Variants in ZFP64 observed in about 807,000 individuals in gnomAD.
ZFP64 encodes the protein ZFP64 zinc finger protein.
A neutral mutation model predicts 51.6 loss-of-function variants in ZFP64; 14 were observed. That is an observed-to-expected ratio of 0.27 (90% CI 0.18 to 0.42). The LOEUF is 0.42. ZFP64 is among the 10% of genes least tolerant of loss of function. ZFP64 has a pLI of 1.00. For missense variants in ZFP64, 754 were observed against 906.8 expected (o/e 0.83, Z 2.16); for synonymous variants, 375 against 361.4 (o/e 1.04, Z -0.43).
intron 3 of ZFP64, chr20:52,165,511 G>A (rs777514552): frequency 6.2e-6 from 3 of 481,502 alleles, no homozygotes; most frequent in Admixed American, 2.3e-5. Context: ...CAACTTTTCT[G>A]TACATCTGAA....
Position 52,151,857 on chromosome 20 carries a change from T to A in ZFP64, c.*289A>T. ...ACTTGAGGTCAGGAGTTCAACATGA[T>A]GAAACCCCGTCTCTACTAAATATAC... On this transcript the variant is annotated 3_prime_UTR_variant, in exon 6 of 6. Transcript: ENST00000216923. The A allele has an allele frequency of 1.0e-6, 1 of 989,356 alleles. No individual in the cohort carries two copies. Among genetic ancestry groups the A allele is most frequent in the Non-Finnish European group, 1.3e-6 (1 of 777,486 alleles). 61.3% of individuals were successfully genotyped at this position (989,356 alleles called of 1,614,324 possible). A position where few individuals can be genotyped will look rare whatever the true frequency, so the allele number is the denominator to read the frequency against.
chr20:52,165,159 T>C (rs1050233412), intron 3 of ZFP64: 1 of 459,270 alleles, frequency 2.2e-6, no homozygotes. Flanking sequence ...AAAATGTCAT[T>C]CTTTTGATAT....
intron 5 of ZFP64, chr20:52,105,137 T>TC: frequency 7.0e-7 from 1 of 1,425,742 alleles, no homozygotes. Flanking sequence ...CTCACCCGGC[T>TC]CCCCCGCCAC....
chr20:52,156,638 G>T (rs1400803137), intron 5 of ZFP64, among the ~76,000 whole-genome samples: 3 of 152,206 alleles, frequency 2.0e-5, no homozygotes, highest in Non-Finnish European at 2.9e-5. Context: ...CTATTACGCT[G>T]CATCACTGTG....
chr20:52,180,547 C>CAAA (rs10669415), intron 2 of ZFP64, among the ~76,000 whole-genome samples: 7,675 of 86,850 alleles, frequency 0.088, 791 homozygotes, highest in African/African-American at 0.25. Context: ...CCAGAAATGG[C>CAAA]AAAAAAAAAA....
At chr20:52,116,881 C>A (rs745655340) in intron 5 of ZFP64, among the ~76,000 whole-genome samples, 7 of 152,158 alleles carry the variant, frequency 4.6e-5, no homozygotes, top group Admixed American at 6.5e-5. Flanking sequence ...ACCTTCCTGG[C>A]CAACATGGTG....
intron 7 of ZFP64, chr20:52,097,329 G>A (rs781394309): frequency 2.2e-5 from 35 of 1,587,694 alleles, no homozygotes; most frequent in East Asian, 4.5e-5. Context: ...TCACATTCAC[G>A]TCCCATCTTT....
chr20:52,135,606 C>G (rs1008688255), intron 5 of ZFP64, among the ~76,000 whole-genome samples: 9 of 152,214 alleles, frequency 5.9e-5, no homozygotes, highest in African/African-American at 2.2e-4. Context: ...CCCACCTCAG[C>G]CTCCCAAGAA....
chr20:52,171,993 C>T (rs978038412), intron 2 of ZFP64, among the ~76,000 whole-genome samples: 48 of 152,052 alleles, frequency 3.2e-4, no homozygotes, highest in African/African-American at 1.1e-3. Flanking sequence ...GTGATGTGCC[C>T]GCCTCGGCCT....
In ZFP64 at chr20:52,085,349, G is replaced by T. The variant is rs1257177516; in HGVS notation, c.1229-83C>A. On this transcript the variant is annotated intron_variant, in intron 8 of 8. Transcript: ENST00000361387. The surrounding 1 kb of genome is among the most constrained non-coding windows in gnomAD (Gnocchi z 4.3). ...CCAACCTGCCTTAGCACACTTGGCC[G>T]CCATGAGATGGTTGGGTTTTGTGAA... is the stretch of plus-strand genomic sequence containing the variant. The T allele has an allele frequency of 1.4e-6, 2 of 1,407,320 alleles. No homozygotes were observed. Among genetic ancestry groups the T allele is most frequent in the Non-Finnish European group, 1.9e-6 (2 of 1,050,396 alleles). The allele number at this position is 1,407,320 out of a possible 1,614,324, so 87.2% of individuals were successfully genotyped here.
chr20:52,175,187 A>G lies in ZFP64; in HGVS notation c.287-9162T>C, dbSNP rs537067446. 2.6e-5 allele frequency among the ~76,000 whole-genome samples: 4 copies of G among 152,322 alleles called. No individual in the cohort carries two copies. In the South Asian group the frequency reaches 8.3e-4, roughly 32 times the overall value. Reference sequence around the variant, plus strand: ...TCCCAGGCTGGAGGGCAGTGGCACCATCTCGGCTCACTGCAATATCTGCCT... The same window carrying G: ...TCCCAGGCTGGAGGGCAGTGGCACCGTCTCGGCTCACTGCAATATCTGCCT... On this transcript the variant is annotated intron_variant, in intron 2 of 5. Transcript: ENST00000216923.
intron 5 of ZFP64, among the ~76,000 whole-genome samples, chr20:52,100,672 T>C (rs939475489): frequency 6.6e-6 from 1 of 152,200 alleles, no homozygotes; most frequent in Non-Finnish European, 1.5e-5. Flanking sequence ...GGTGAAGGAA[T>C]CTTAGCATGA....
At chr20:52,087,999 C>A (rs1444185959) in intron 8 of ZFP64, among the ~76,000 whole-genome samples, 3 of 152,114 alleles carry the variant, frequency 2.0e-5, no homozygotes, top group Non-Finnish European at 2.9e-5. Context: ...AAAGGAAGTT[C>A]CTAAGATTAA....
intron 2 of ZFP64, among the ~76,000 whole-genome samples, chr20:52,179,122 T>C (rs1417875286): frequency 3.9e-5 from 6 of 152,070 alleles, no homozygotes; most frequent in African/African-American, 1.2e-4. Flanking sequence ...CTGTTCCTTG[T>C]GATAGAGAAT....
intron 4 of ZFP64, among the ~76,000 whole-genome samples, chr20:52,162,124 C>G (rs1351101116): frequency 6.6e-6 from 1 of 151,142 alleles, no homozygotes. Flanking sequence ...ATGGTGAAAC[C>G]CTGTCTGAAC....
intron 5 of ZFP64, chr20:52,111,014 G>C: frequency 1.4e-6 from 2 of 1,470,698 alleles, no homozygotes; most frequent in Non-Finnish European, 9.5e-7. Flanking sequence ...GTATCCAGGG[G>C]AAGGGCGCGC....
rs1024821111 is a variant in ZFP64 at position 52,110,738 on chromosome 20, A to C, written c.764-12151T>G. 27 of 1,594,710 alleles carry C rather than the reference A, an allele frequency of 1.7e-5. No homozygotes were observed. The African/African-American group carries it at 3.6e-4, about 21-fold the overall frequency. ...GCTCCAACCTTAACTGCCCCAGTAC[A>C]TGGGACTGGGTTCTCAAAGTCCCCC... On this transcript the variant is annotated intron_variant, in intron 5 of 8. Coordinates refer to the ZFP64 transcript ENST00000361387.
chr20:52,136,905 C>A (rs1166700488), intron 5 of ZFP64, among the ~76,000 whole-genome samples: 1 of 152,158 alleles, frequency 6.6e-6, no homozygotes, highest in Non-Finnish European at 1.5e-5. Context: ...GCCGGGACTA[C>A]AGGCATCCAC....
chr20:52,128,490 C>T (rs1192834171), intron 5 of ZFP64, among the ~76,000 whole-genome samples: 1 of 152,182 alleles, frequency 6.6e-6, no homozygotes, highest in East Asian at 1.9e-4. Flanking sequence ...TAAAATCATA[C>T]AGCTGGGATG....
Sources: allele counts gnomAD v4.1 joint callset (sites outside exome capture counted in the v4.1 genomes callset), GRCh38; gene constraint gnomAD v4.1.1; non-coding constraint Gnocchi (gnomAD v3.1); transcripts MANE v1.5; gene names NCBI Gene and HGNC (gene_info 2026-07-23, HGNC 2026-07-21).